Variants in IL1RAPL2 observed in about 807,000 individuals in gnomAD.
IL1RAPL2 encodes the protein X-linked interleukin-1 receptor accessory protein-like 2.
A neutral mutation model predicts 44.1 loss-of-function variants in IL1RAPL2; 3 were observed. The ratio of observed to expected loss-of-function variants is 0.07; its 90% CI spans 0.03 to 0.18. The LOEUF (loss-of-function observed/expected upper bound fraction) is 0.18. IL1RAPL2 is among the 10% of genes least tolerant of loss of function. IL1RAPL2 has a pLI of 1.00. For synonymous variants in IL1RAPL2, 181 were observed against 178.8 expected (o/e 1.01, Z -0.10); for missense variants, 391 against 496.4 (o/e 0.79, Z 2.02).
intron 2 of IL1RAPL2, among the ~76,000 whole-genome samples, chrX:105,173,319 G>A (rs982424346): frequency 8.9e-6 from 1 of 112,123 alleles, no homozygotes; most frequent in Non-Finnish European, 1.9e-5. Context: ...GGGTTTGCCC[G>A]TGGATGGTTC....
intron 1 of IL1RAPL2, among the ~76,000 whole-genome samples, chrX:104,581,658 A>G (rs191393864): frequency 1.8e-5 from 2 of 111,019 alleles, no homozygotes; most frequent in African/African-American, 6.6e-5. Flanking sequence ...GGGCCTTTCT[A>G]GGTCCCCAAG....
At chrX:105,058,528 C>T (rs1252550320) in intron 2 of IL1RAPL2, among the ~76,000 whole-genome samples, 1 of 112,292 alleles carries the variant, frequency 8.9e-6, no homozygotes, top group African/African-American at 3.2e-5. Flanking sequence ...TAACCTCTTC[C>T]TTTCTGTGCC....
intron 6 of IL1RAPL2, among the ~76,000 whole-genome samples, chrX:105,681,463 A>AATT (rs1051993303): frequency 8.9e-6 from 1 of 112,371 alleles, no homozygotes; most frequent in African/African-American, 3.2e-5. Context: ...ATTATTTAAA[A>AATT]ATTTACATCA....
At chrX:105,625,455 C>T (rs2037446544) in intron 6 of IL1RAPL2, among the ~76,000 whole-genome samples, 1 of 112,128 alleles carries the variant, frequency 8.9e-6, no homozygotes, top group Non-Finnish European at 1.9e-5. Context: ...GATGTGGTCA[C>T]AACAACTAGC....
At chrX:105,242,509 C>G (rs1025872781) in intron 4 of IL1RAPL2, among the ~76,000 whole-genome samples, 1 of 111,646 alleles carries the variant, frequency 9.0e-6, no homozygotes, top group Admixed American at 9.6e-5. Flanking sequence ...TTCTCCCGTT[C>G]AGTCTATCAA....
intron 5 of IL1RAPL2, among the ~76,000 whole-genome samples, chrX:105,285,214 G>A (rs1192928995): frequency 8.9e-6 from 1 of 112,024 alleles, no homozygotes; most frequent in Non-Finnish European, 1.9e-5. Context: ...CACTATGCTA[G>A]TTGCTGCTTC....
At chrX:105,640,727 TATATATATAG>T (rs2037561279) in intron 6 of IL1RAPL2, among the ~76,000 whole-genome samples, 5 of 88,521 alleles carry the variant, frequency 5.6e-5, no homozygotes, top group Non-Finnish European at 8.9e-5. Context: ...CACACATATC[TATATATATAG>T]ATATAGATAG....
intron 5 of IL1RAPL2, among the ~76,000 whole-genome samples, chrX:105,300,916 G>A (rs1419883563): frequency 9.0e-6 from 1 of 111,620 alleles, no homozygotes; most frequent in Non-Finnish European, 1.9e-5. Flanking sequence ...AGTTACTCAG[G>A]AAAACAGTAG....
chrX:105,375,958 T>C (rs1370042057), intron 5 of IL1RAPL2, among the ~76,000 whole-genome samples: 19 of 112,105 alleles, frequency 1.7e-4, no homozygotes, highest in Non-Finnish European at 9.4e-5. Flanking sequence ...CACTTAATAA[T>C]TATTTCTTAA....
intron 2 of IL1RAPL2, among the ~76,000 whole-genome samples, chrX:104,962,662 T>C (rs1204493594): frequency 8.9e-6 from 1 of 112,417 alleles, no homozygotes; most frequent in African/African-American, 3.2e-5. Context: ...TGTATGTCAT[T>C]AGGAATTTCC....
intron 6 of IL1RAPL2, among the ~76,000 whole-genome samples, chrX:105,523,714 C>T (rs765426749): frequency 6.3e-5 from 7 of 110,520 alleles, no homozygotes; most frequent in Non-Finnish European, 1.1e-4. Flanking sequence ...AAGGCCATTG[C>T]GTTTGATATC....
intron 1 of IL1RAPL2, among the ~76,000 whole-genome samples, chrX:104,616,738 A>G (rs1371741914): frequency 9.0e-6 from 1 of 111,518 alleles, no homozygotes; most frequent in Non-Finnish European, 1.9e-5. Context: ...TTTCTGACCA[A>G]TCAATGCTTC....
chrX:104,717,194 C>T (rs1204682366), intron 2 of IL1RAPL2, among the ~76,000 whole-genome samples: 4 of 111,298 alleles, frequency 3.6e-5, no homozygotes, highest in Non-Finnish European at 7.6e-5. Context: ...CATGTTTTCA[C>T]TTATGATTGG....
At chrX:104,642,737 G>A (rs1233809026) in intron 1 of IL1RAPL2, among the ~76,000 whole-genome samples, 1 of 111,322 alleles carries the variant, frequency 9.0e-6, no homozygotes, top group Non-Finnish European at 1.9e-5. Context: ...TGCCAACCTC[G>A]GCCTCCCAAA....
At chrX:104,650,638 A>G (rs184671940) in intron 1 of IL1RAPL2, among the ~76,000 whole-genome samples, 15 of 111,226 alleles carry the variant, frequency 1.3e-4, no homozygotes, top group Admixed American at 1.2e-3. Flanking sequence ...TGAACATGCT[A>G]AAAAAAACCA....
chrX:105,219,129 CT>C (rs1381728529), intron 3 of IL1RAPL2: 95 of 1,209,170 alleles, frequency 7.9e-5, no homozygotes, highest in Non-Finnish European at 1.1e-4. Flanking sequence ...TTGGGTGCTC[CT>C]GATGGTCTAT....
At chrX:104,914,715 C>T (rs1403543729) in intron 2 of IL1RAPL2, among the ~76,000 whole-genome samples, 1 of 110,595 alleles carries the variant, frequency 9.0e-6, no homozygotes, top group Non-Finnish European at 1.9e-5. Context: ...ATCCCTCCCC[C>T]ATCCCCCACC....
At chrX:104,791,003 A>C (rs767247338) in intron 2 of IL1RAPL2, among the ~76,000 whole-genome samples, 5 of 111,789 alleles carry the variant, frequency 4.5e-5, no homozygotes, top group Non-Finnish European at 7.5e-5. Context: ...TATCATCCTC[A>C]TAACAACCCT....
intron 2 of IL1RAPL2, among the ~76,000 whole-genome samples, chrX:105,052,434 G>A (rs1178862542): frequency 9.0e-6 from 1 of 111,704 alleles, no homozygotes; most frequent in East Asian, 2.8e-4. Context: ...TGTTATAATG[G>A]AACACAAGGG....
Sources: gnomAD v4.1 joint callset for allele counts (sites outside exome capture counted in the v4.1 genomes callset) on GRCh38, gnomAD v4.1.1 for gene constraint, MANE v1.5 for transcripts, NCBI Gene and HGNC (gene_info 2026-07-23, HGNC 2026-07-21) for gene names.